The following ZRSR2 variants were observed in gnomAD, a reference collection of about 807,000 sequenced individuals.
ZRSR2 encodes zinc finger CCCH-type, RNA binding motif and serine/arginine rich 2, also known as U2 small nuclear ribonucleoprotein auxiliary factor 35 kDa subunit-related protein 2.
Under a neutral mutation model 39.4 loss-of-function variants are expected in ZRSR2, and 3 were observed. The ratio of observed to expected loss-of-function variants is 0.08; its 90% CI spans 0.03 to 0.20. ZRSR2 has a LOEUF of 0.20. Ranked by LOEUF, ZRSR2 falls within the 10% of genes least tolerant of loss-of-function variation. The pLI, the probability that ZRSR2 is intolerant of heterozygous loss-of-function variation, is 1.00. For synonymous variants in ZRSR2, 137 were observed against 136.0 expected, an observed-to-expected ratio of 1.01 and a Z score of -0.05; for missense variants, 256 against 391.5, an observed-to-expected ratio of 0.65 and a Z score of 2.92.
At chrX:15,820,419 T>A in intron 10 of ZRSR2, 103 bp downstream of exon 10, 2 of 752,420 alleles carry the variant, frequency 2.7e-6, no homozygotes, top group Non-Finnish European at 4.0e-6. Context: ...AGGCATAGCT[T>A]TTTGCCTCAC....
chrX:15,796,404 A>G (rs987351196), intron 2 of ZRSR2, among the ~76,000 whole-genome samples: 1 of 112,396 alleles, frequency 8.9e-6, no homozygotes, highest in Non-Finnish European at 1.9e-5. Flanking sequence ...TTAAGTGAAT[A>G]CTCATAGTAT....
intron 3 of ZRSR2, chrX:15,801,164 C>G (rs1245877571): frequency 1.6e-5 from 2 of 127,696 alleles, no homozygotes; most frequent in Admixed American, 9.3e-5. Flanking sequence ...TGTTTTATTA[C>G]CTATTTGTAG....
At chrX:15,801,474 GC>G in intron 3 of ZRSR2, 1 of 226,530 alleles carries the variant, frequency 4.4e-6, no homozygotes. Context: ...CTCATGATCT[GC>G]CCGCCTCGGC....
At chrX:15,819,938 G>A (rs778790103) in intron 9 of ZRSR2, among the ~76,000 whole-genome samples, 71 of 112,157 alleles carry the variant, frequency 6.3e-4, no homozygotes, top group Middle Eastern at 4.6e-3. Flanking sequence ...AAACACTTCT[G>A]CATTTTTAAT....
chrX:15,806,070 C>G (rs1041817771), intron 5 of ZRSR2, among the ~76,000 whole-genome samples: 2 of 111,511 alleles, frequency 1.8e-5, no homozygotes, highest in Non-Finnish European at 3.8e-5. Flanking sequence ...GTGGAGAGAT[C>G]TCAGCAAGAA....
intron 7 of ZRSR2, among the ~76,000 whole-genome samples, chrX:15,809,928 C>G (rs1378936186): frequency 8.9e-6 from 1 of 112,362 alleles, no homozygotes; most frequent in African/African-American, 3.2e-5. Context: ...TGCCCAGACT[C>G]AGGTACAGAC....
At chrX:15,795,654 G>A (rs1184200953) in intron 2 of ZRSR2, among the ~76,000 whole-genome samples, 4 of 111,721 alleles carry the variant, frequency 3.6e-5, no homozygotes, top group African/African-American at 9.8e-5. Context: ...AGGATTGGGG[G>A]TGGGGGTTAG....
At chrX:15,822,591 T>C (rs1332866137) in intron 10 of ZRSR2, 140 bp from the exon 11 acceptor site, 1 of 1,069,515 alleles carries the variant, frequency 9.4e-7, no homozygotes, top group African/African-American at 1.9e-5. Flanking sequence ...CATCAATTTA[T>C]GTAAGCCCCT....
In ZRSR2 at chrX:15,804,285, T is replaced by G. The variant is rs561188462; in HGVS notation, c.399+88T>G. Reference sequence around the variant, plus strand: ...AGTTTGGGTTTTTTTTTTCTCTTTTTCTTGTCATTTCATTGTTTGTTTGGA... The same window carrying G: ...AGTTTGGGTTTTTTTTTTCTCTTTTGCTTGTCATTTCATTGTTTGTTTGGA... On this transcript the variant is annotated intron_variant, in intron 5 of 10. Coordinates refer to ENST00000307771, the MANE Select transcript of ZRSR2 (RefSeq NM_005089.4). 470 of 1,085,402 alleles carry G rather than the reference T, an allele frequency of 4.3e-4. 2 individuals are homozygous for G. The African/African-American group carries it at 7.9e-3, about 18-fold the overall frequency. The allele number at this position is 1,085,402 out of a possible 1,213,427, so 89.4% of individuals were successfully genotyped here. A position where few individuals can be genotyped will look rare whatever the true frequency, so the allele number is the denominator to read the frequency against.
intron 10 of ZRSR2, 133 bp from the exon 11 acceptor site, chrX:15,822,598 C>T (rs1465640370): frequency 3.7e-6 from 4 of 1,074,632 alleles, no homozygotes; most frequent in Admixed American, 6.3e-5. Context: ...TTATGTAAGC[C>T]CCTTTTACAT....
chrX:15,801,725 A>G (rs1293374763), intron 3 of ZRSR2: 2 of 112,100 alleles, frequency 1.8e-5, no homozygotes, highest in African/African-American at 6.5e-5. Flanking sequence ...TATGATGAAG[A>G]CAATAGATAC....
chrX:15,820,021 T>C (rs1490267702), intron 9 of ZRSR2, among the ~76,000 whole-genome samples, 186 bp from the exon 10 acceptor site: 1 of 112,262 alleles, frequency 8.9e-6, no homozygotes, highest in Non-Finnish European at 1.9e-5. Flanking sequence ...CGAGGGTTAG[T>C]AAAAAGGGTT....
chrX:15,793,422 C>T (rs938939160), intron 2 of ZRSR2, among the ~76,000 whole-genome samples: 1 of 111,781 alleles, frequency 8.9e-6, no homozygotes, highest in Non-Finnish European at 1.9e-5. Flanking sequence ...GATTATGTAA[C>T]TAATGGCATA....
At chrX:15,809,749 G>T (rs1932851626) in intron 7 of ZRSR2, among the ~76,000 whole-genome samples, 1 of 111,339 alleles carries the variant, frequency 9.0e-6, no homozygotes, top group Non-Finnish European at 1.9e-5. Flanking sequence ...GTTCCAGGCT[G>T]CAGTAAGCTA....
At chrX:15,804,017 T>C in intron 4 of ZRSR2, 94 bp from the exon 5 acceptor site, 1 of 1,043,466 alleles carries the variant, frequency 9.6e-7, no homozygotes, top group Non-Finnish European at 1.3e-6. Flanking sequence ...TTATTCAGTT[T>C]GCCAGTGTTT....
Position 15,800,740 on chromosome X carries a change from G to A in ZRSR2, c.203+787G>A, listed in dbSNP as rs1385480035. ...GCAGGGATCTAATTCAGCCATTTCA[G>A]TGGCAATACAGTACCCACTGTACAG... On this transcript the variant is annotated intron_variant, in intron 3 of 10. Transcript: ENST00000307771. 2.7e-5 allele frequency among the ~76,000 whole-genome samples: 3 copies of A among 112,050 alleles called. No homozygotes were observed. The Admixed American group carries it at 2.8e-4, about 11-fold the overall frequency.
At chrX:15,811,900 G>A (rs1253669686) in intron 7 of ZRSR2, among the ~76,000 whole-genome samples, 3 of 111,831 alleles carry the variant, frequency 2.7e-5, no homozygotes, top group Admixed American at 9.5e-5. Flanking sequence ...ATTAGTTTGC[G>A]AGCATTTCTT....
chrX:15,809,286 C>T lies in ZRSR2; in HGVS notation c.525C>T (p.Tyr175=), dbSNP rs199819890. 8 of 1,202,538 alleles carry T rather than the reference C, an allele frequency of 6.7e-6. No individual in the cohort carries two copies. The highest frequency in any genetic ancestry group is 9.0e-6 in the Non-Finnish European group (8 of 887,229). The change falls in exon 7 of 11, where the codon TAC becomes TAT. Residue 175 remains tyrosine, a synonymous_variant. Coordinates refer to ENST00000307771, the MANE Select transcript of ZRSR2 (RefSeq NM_005089.4). The stretch of plus-strand genomic sequence containing the variant: ...AGGATCGAGCTAATTGTCCCTTCTA[C>T]AGTAAAACAGGAGCTTGCAGATTTG... ...MEKDRANCPF[Y]SKTGACRFGD... is the part of the protein sequence containing the mutation.
intron 2 of ZRSR2, among the ~76,000 whole-genome samples, chrX:15,795,258 G>A (rs956281722): frequency 9.0e-6 from 1 of 110,634 alleles, no homozygotes; most frequent in Non-Finnish European, 1.9e-5. Context: ...ATCTTCAATG[G>A]TATAATCTTT....
Sources: gnomAD v4.1 joint callset for allele counts (sites outside exome capture counted in the v4.1 genomes callset) on GRCh38, gnomAD v4.1.1 for gene constraint, MANE v1.5 for transcripts, NCBI Gene and HGNC (gene_info 2026-07-23, HGNC 2026-07-21) for gene names.